FAM227B: variants seen among roughly 807,000 people sequenced by gnomAD.
The protein encoded by FAM227B is family with sequence similarity 227 member B, also known as protein FAM227B.
A neutral mutation model predicts 73.8 loss-of-function variants in FAM227B; 88 were observed. The observed-to-expected ratio is 1.19, with a 90% confidence interval of 1.00 to 1.42. The LOEUF is 1.42. FAM227B is among the 40% of genes most tolerant of loss of function. The pLI is 0.00. For missense variants in FAM227B, 632 were observed against 590.9 expected (o/e 1.07, Z -0.72); for synonymous variants, 210 against 190.5 (o/e 1.10, Z -0.84).
chr15:49,349,840 A>T (rs1445876916), intron 13 of FAM227B, among the ~76,000 whole-genome samples: 1 of 152,142 alleles, frequency 6.6e-6, no homozygotes, highest in Non-Finnish European at 1.5e-5. Context: ...ATTTTTCTGT[A>T]AGCAAAAACG....
At chr15:49,419,534 T>C (rs16962434) in intron 11 of FAM227B, among the ~76,000 whole-genome samples, 9,219 of 152,236 alleles carry the variant, frequency 0.061, 391 homozygotes, top group East Asian at 0.17. Context: ...ATTCTGCCAA[T>C]AGGAATTAAG....
intron 13 of FAM227B, among the ~76,000 whole-genome samples, chr15:49,338,222 C>T (rs2040096553): frequency 1.3e-5 from 2 of 152,124 alleles, no homozygotes; most frequent in South Asian, 4.1e-4. Context: ...TTCTTTATAG[C>T]ATTGATGGTC....
chr15:49,328,612 GTGATGATGA>G lies in FAM227B; in HGVS notation c.1474_1482del (p.Ser492_Ser494del). On this transcript the variant is annotated inframe_deletion, in exon 16 of 16. Coordinates refer to ENST00000299338, the MANE Select transcript of FAM227B (RefSeq NM_152647.3). Reference sequence around the variant, plus strand: ...AAGTTGTAGTTGTCTGTTGATGATGGTGATGATGATGATGATGACGATAGTGATGCCACA... The same window carrying G: ...AAGTTGTAGTTGTCTGTTGATGATGGTGATGATGACGATAGTGATGCCACA... 6 of 1,590,932 alleles carry G rather than the reference GTGATGATGA, an allele frequency of 3.8e-6. No individual in the cohort carries two copies. The highest frequency in any genetic ancestry group is 4.3e-6 in the Non-Finnish European group (5 of 1,165,212).
chr15:49,475,474 GA>G (rs2055178080), intron 11 of FAM227B, among the ~76,000 whole-genome samples: 1 of 152,084 alleles, frequency 6.6e-6, no homozygotes, highest in Non-Finnish European at 1.5e-5. Flanking sequence ...GGGAGCCTGT[GA>G]AAATTTCAAA....
intron 8 of FAM227B, among the ~76,000 whole-genome samples, chr15:49,573,878 A>G (rs1324124988): frequency 2.6e-5 from 4 of 152,184 alleles, no homozygotes; most frequent in Non-Finnish European, 4.4e-5. Flanking sequence ...AAGGGGCTGA[A>G]GTCTCTATAC....
intron 5 of FAM227B, among the ~76,000 whole-genome samples, chr15:49,585,482 C>T (rs1370367082): frequency 1.3e-5 from 2 of 152,206 alleles, no homozygotes; most frequent in Admixed American, 6.5e-5. Flanking sequence ...GAAAATGTGG[C>T]ACATATACAC....
chr15:49,588,440 A>T (rs1197817266), intron 4 of FAM227B, among the ~76,000 whole-genome samples: 1 of 149,878 alleles, frequency 6.7e-6, no homozygotes, highest in African/African-American at 2.4e-5. Flanking sequence ...TAATTTCAAT[A>T]AAGTGCAGTA....
At chr15:49,540,576 CTTA>C (rs1257366819) in intron 10 of FAM227B, among the ~76,000 whole-genome samples, 1 of 152,156 alleles carries the variant, frequency 6.6e-6, no homozygotes, top group Admixed American at 6.5e-5. Context: ...TCTCCCACTT[CTTA>C]TAAGGACACC....
chr15:49,554,123 A>G (rs1032898135), intron 9 of FAM227B, among the ~76,000 whole-genome samples: 27 of 152,054 alleles, frequency 1.8e-4, no homozygotes, highest in African/African-American at 6.5e-4. Context: ...AGGGCCTCCC[A>G]TCTCTGTCTG....
At chr15:49,561,251 G>T (rs1044591225) in intron 9 of FAM227B, among the ~76,000 whole-genome samples, 1 of 152,052 alleles carries the variant, frequency 6.6e-6, no homozygotes, top group Non-Finnish European at 1.5e-5. Context: ...ACATTTAACT[G>T]CTAACAGTAA....
At chr15:49,465,014 T>A (rs1044809507) in intron 11 of FAM227B, among the ~76,000 whole-genome samples, 1 of 152,216 alleles carries the variant, frequency 6.6e-6, no homozygotes, top group Non-Finnish European at 1.5e-5. Flanking sequence ...GTTATAAATG[T>A]CTAGTTAAGA....
At chr15:49,379,066 T>A (rs966488951) in intron 11 of FAM227B, among the ~76,000 whole-genome samples, 5 of 152,188 alleles carry the variant, frequency 3.3e-5, no homozygotes, top group Admixed American at 3.3e-4. Flanking sequence ...ATCATTTTTA[T>A]CTTTCATTTT....
intron 11 of FAM227B, among the ~76,000 whole-genome samples, chr15:49,374,725 G>A (rs915206134): frequency 1.3e-5 from 2 of 152,144 alleles, no homozygotes; most frequent in African/African-American, 2.4e-5. Flanking sequence ...ACTATTTTTA[G>A]TAGAGACTGG....
intron 11 of FAM227B, among the ~76,000 whole-genome samples, chr15:49,451,969 T>C (rs2052790765): frequency 6.6e-6 from 1 of 152,148 alleles, no homozygotes; most frequent in Admixed American, 6.5e-5. Flanking sequence ...AAAAATGCTA[T>C]TTGAGAAACT....
chr15:49,369,191 T>C (rs1212078187), intron 12 of FAM227B, among the ~76,000 whole-genome samples: 2 of 152,002 alleles, frequency 1.3e-5, no homozygotes, highest in African/African-American at 4.8e-5. Flanking sequence ...TCTCCTGACC[T>C]CGAGATCCGC....
intron 5 of FAM227B, among the ~76,000 whole-genome samples, chr15:49,582,431 A>G (rs1175144116): frequency 6.6e-6 from 1 of 152,236 alleles, no homozygotes; most frequent in Non-Finnish European, 1.5e-5. Context: ...AGACCTAACT[A>G]TCCTAAATAT....
intron 9 of FAM227B, among the ~76,000 whole-genome samples, chr15:49,561,593 TAAG>T (rs2074264613): frequency 6.6e-6 from 1 of 152,124 alleles, no homozygotes; most frequent in South Asian, 2.1e-4. Flanking sequence ...GAACATACTC[TAAG>T]ATCAACCACA....
chr15:49,552,204 G>A (rs1406560451), intron 9 of FAM227B, among the ~76,000 whole-genome samples: 1 of 152,100 alleles, frequency 6.6e-6, no homozygotes, highest in African/African-American at 2.4e-5. Flanking sequence ...GCTTTTGTGT[G>A]GGAATATCTT....
intron 15 of FAM227B, chr15:49,329,418 AT>A (rs770783109): frequency 1.8e-4 from 182 of 985,126 alleles, no homozygotes; most frequent in Middle Eastern, 1.0e-3. Context: ...ATCCAAAAAA[AT>A]ATCAGAATTA....
Sources: allele counts gnomAD v4.1 joint callset (sites outside exome capture counted in the v4.1 genomes callset), GRCh38; gene constraint gnomAD v4.1.1; transcripts MANE v1.5; gene names NCBI Gene and HGNC (gene_info 2026-07-23, HGNC 2026-07-21).